MPHOSPH10: variants seen among roughly 807,000 people sequenced by gnomAD.
MPHOSPH10 encodes M-phase phosphoprotein 10, also known as U3 small nucleolar ribonucleoprotein MPP10.
In MPHOSPH10, 33 loss-of-function variants were observed where a neutral mutation model predicts 77.3. That is an observed-to-expected ratio of 0.43 (90% CI 0.32 to 0.57). The LOEUF (loss-of-function observed/expected upper bound fraction) is 0.57, where lower values mean the gene tolerates loss of function less well. Ranked by LOEUF, MPHOSPH10 falls within the 20% of genes least tolerant of loss-of-function variation. The probability of loss-of-function intolerance (pLI) is 0.07; values close to 1 mark genes in which losing one functional copy is unlikely to be tolerated. For missense variants in MPHOSPH10, 708 were observed against 780.1 expected (o/e 0.91, Z 1.10); for synonymous variants, 245 against 268.0 (o/e 0.91, Z 0.84).
rs1244459036 is a variant in MPHOSPH10, at chr2:71,134,121, C to T, written c.926+16C>T. On this transcript the variant is annotated intron_variant, in intron 3 of 10. Transcript: ENST00000244230. ...TTTCGGAAACGTGAGTATTTTGAAC[C>T]ATCCTTTACATTGTAAGCTGGAATT... 3 of 1,593,118 alleles carry T rather than the reference C, an allele frequency of 1.9e-6. No homozygotes were observed. Among genetic ancestry groups the T allele is most frequent in the South Asian group, 1.1e-5 (1 of 87,016 alleles).
In MPHOSPH10 at chr2:71,130,679, T is replaced by A. The variant is rs1408004365; in HGVS notation, c.14T>A (p.Val5Asp). Residue 5 changes from valine (V) to aspartate (D), a missense_variant, in exon 1 of 11, where the codon GTC (valine) becomes GAC (aspartate). Physicochemically the swap from Val to Asp is radical, Grantham distance 152 (BLOSUM62 -3). Coordinates refer to ENST00000244230, the MANE Select transcript of MPHOSPH10 (RefSeq NM_005791.3). ...TTGCTGACAGCCATGGCGCCGCAGG[T>A]CTGGCGTCGACGGACCCTGGAGCGG... is the stretch of plus-strand genomic sequence containing the variant. MAPQVWRRRTLERCL... is the reference protein window; with the variant it reads MAPQDWRRRTLERCL... 1 of 1,609,504 alleles carries A rather than the reference T, an allele frequency of 6.2e-7. No individual in the cohort carries two copies. Among genetic ancestry groups the A allele is most frequent in the African/African-American group, 1.3e-5 (1 of 74,962 alleles).
Position 71,144,686 on chromosome 2 carries a change from A to C in MPHOSPH10, c.1557+148A>C. ...GGCAGGGTCTCCATGAGGAAAGCTC[A>C]CTTCTGGTCCCATGACAGTTCTGGC... On this transcript the variant is annotated intron_variant, in intron 8 of 10. Transcript: ENST00000244230. 12 of 636,612 alleles carry C rather than the reference A, an allele frequency of 1.9e-5. No individual in the cohort carries two copies. In the South Asian group the frequency reaches 2.0e-4, roughly 11 times the overall value. The allele number at this position is 636,612 out of a possible 1,614,324, so 39.4% of individuals were successfully genotyped here.
chr2:71,134,050 A>G lies in MPHOSPH10; in HGVS notation c.871A>G (p.Lys291Glu), dbSNP rs139834642. Reference sequence around the variant, plus strand: ...TCATGATGATGAGCTGGATTCAAACAAAGAAGATGATGAAATTGCTGAAGA... The same window carrying G: ...TCATGATGATGAGCTGGATTCAAACGAAGAAGATGATGAAATTGCTGAAGA... ...NVHDDELDSNKEDDEIAEEEA... is the reference protein window; with the variant it reads ...NVHDDELDSNEEDDEIAEEEA... Residue 291 changes from lysine to glutamate, a missense_variant, in exon 3 of 11, where the codon AAA becomes GAA. Physicochemically the swap from Lys to Glu is moderately conservative, Grantham distance 56 (BLOSUM62 1). This residue lies in a region of MPHOSPH10 where 433 missense variants were observed against 432.6 expected (regional missense o/e 1.00). Transcript: ENST00000244230. 1,753 of 1,608,820 alleles carry G rather than the reference A, an allele frequency of 1.1e-3. 1 individual carries two copies. The highest frequency in any genetic ancestry group is 1.4e-3 in the Non-Finnish European group (1,644 of 1,176,798).
chr2:71,132,927 C>T lies in MPHOSPH10; in HGVS notation c.119C>T (p.Thr40Ile). ...CAAGAGGGATTGGCATCAAAGTTCA[C>T]TTCTTTAACAAAAGTGCTTTATGAC... is the stretch of plus-strand genomic sequence containing the variant. ...TIQEGLASKF[T>I]SLTKVLYDFN... Residue 40 changes from threonine to isoleucine, a missense_variant, in exon 2 of 11, where the codon ACT becomes ATT. Coordinates refer to ENST00000244230, the MANE Select transcript of MPHOSPH10 (RefSeq NM_005791.3). The T allele has an allele frequency of 6.2e-7, 1 of 1,611,040 alleles. No individual in the cohort carries two copies. Among genetic ancestry groups the T allele is most frequent in the Non-Finnish European group, 8.5e-7 (1 of 1,178,156 alleles).
chr2:71,146,413 G>A (rs956532998), intron 8 of MPHOSPH10, among the ~76,000 whole-genome samples: 1 of 138,614 alleles, frequency 7.2e-6, no homozygotes, highest in African/African-American at 2.7e-5. Flanking sequence ...TTGGCTCACT[G>A]CAACCTCTGC....
intron 7 of MPHOSPH10, among the ~76,000 whole-genome samples, chr2:71,141,890 G>A (rs909907845): frequency 6.6e-6 from 1 of 152,060 alleles, no homozygotes; most frequent in Non-Finnish European, 1.5e-5. Flanking sequence ...AAATTAGACG[G>A]GCGTGGTGGC....
Position 71,133,290 on chromosome 2 carries a change from G to C in MPHOSPH10, c.482G>C (p.Arg161Thr), listed in dbSNP as rs751822869. Reference sequence around the variant, plus strand: ...GAAAACTCAAGCAAATCTGATCTGAGGAAAAGCCCCGTTTTCAGTGATGAG... The same window carrying C: ...GAAAACTCAAGCAAATCTGATCTGACGAAAAGCCCCGTTTTCAGTGATGAG... Reference protein sequence around the residue: ...RAENSSKSDLRKSPVFSDEDS... With the variant: ...RAENSSKSDLTKSPVFSDEDS... Residue 161 changes from arginine (R) to threonine (T), a missense_variant, in exon 2 of 11, where the codon AGG becomes ACG. Physicochemically the swap from Arg to Thr is moderately conservative, Grantham distance 71 (BLOSUM62 -1). Around this residue, in one of 3 missense-constraint regions of MPHOSPH10, gnomAD observed 433 missense variants for 432.6 expected, o/e 1.00. Transcript: ENST00000244230. The C allele has an allele frequency of 6.2e-7, 1 of 1,613,978 alleles. No individual in the cohort carries two copies. Among genetic ancestry groups the C allele is most frequent in the East Asian group, 2.2e-5 (1 of 44,876 alleles).
At position 71,139,706 on chromosome 2, in the gene MPHOSPH10, G is replaced by A. The variant is rs530988469; in HGVS notation, c.1241-89G>A. 59 of 835,222 alleles carry A rather than the reference G, an allele frequency of 7.1e-5. No homozygotes were observed. In the African/African-American group the frequency reaches 7.1e-4, roughly 10 times the overall value. 51.7% of individuals were successfully genotyped at this position (835,222 alleles called of 1,614,324 possible). ...ATTTGCATTTCTAACAAGTTCCCACGTGTTGCTGATGCTGTGGGTCCAAGG... is the reference window on the plus strand; with the variant it reads ...ATTTGCATTTCTAACAAGTTCCCACATGTTGCTGATGCTGTGGGTCCAAGG... On this transcript the variant is annotated intron_variant, in intron 5 of 10. Transcript: ENST00000244230.
At chr2:71,135,408 G>C (rs1673468192) in intron 4 of MPHOSPH10, among the ~76,000 whole-genome samples, 1 of 151,216 alleles carries the variant, frequency 6.6e-6, no homozygotes, top group African/African-American at 2.4e-5. Flanking sequence ...GTAGCCAGGT[G>C]TGGTGGCGGG....
chr2:71,145,917 T>G (rs1296266850), intron 8 of MPHOSPH10, among the ~76,000 whole-genome samples: 1 of 152,222 alleles, frequency 6.6e-6, no homozygotes, highest in Non-Finnish European at 1.5e-5. Context: ...TCCTTGCAGA[T>G]GTTCCTTGGC....
At chr2:71,143,111 A>G (rs1396267378) in intron 7 of MPHOSPH10, among the ~76,000 whole-genome samples, 1 of 151,568 alleles carries the variant, frequency 6.6e-6, no homozygotes, top group Non-Finnish European at 1.5e-5. Flanking sequence ...GGATAATTTT[A>G]TGAAGTCTAT....
At chr2:71,130,789 G>T (rs528850346) in intron 1 of MPHOSPH10, 35 bp downstream of exon 1, 1 of 1,570,484 alleles carries the variant, frequency 6.4e-7, no homozygotes, top group Non-Finnish European at 8.7e-7. Context: ...GGGTGCGACC[G>T]GGGTCTCACG....
At chr2:71,140,708 T>G (rs977927801) in intron 6 of MPHOSPH10, among the ~76,000 whole-genome samples, 3 of 152,240 alleles carry the variant, frequency 2.0e-5, no homozygotes, top group Admixed American at 6.5e-5. Context: ...AGAATAAAAC[T>G]TAGATATATG....
At chr2:71,146,569 C>T (rs971428722) in intron 8 of MPHOSPH10, among the ~76,000 whole-genome samples, 1 of 152,120 alleles carries the variant, frequency 6.6e-6, no homozygotes, top group Admixed American at 6.6e-5. Flanking sequence ...AACTCCTGAC[C>T]TCAAATGATC....
intron 6 of MPHOSPH10, among the ~76,000 whole-genome samples, chr2:71,140,182 T>G (rs1025133929): frequency 5.9e-5 from 9 of 152,216 alleles, no homozygotes; most frequent in African/African-American, 2.2e-4. Flanking sequence ...AGGCACAGTA[T>G]CTGGTGTGGT....
intron 1 of MPHOSPH10, 77 bp downstream of exon 1, chr2:71,130,831 TG>T: frequency 1.5e-6 from 2 of 1,375,488 alleles, no homozygotes; most frequent in Non-Finnish European, 2.0e-6. Context: ...CGGCAAATTG[TG>T]GAGCTGGGGG....
chr2:71,145,939 G>A lies in MPHOSPH10; in HGVS notation c.1557+1401G>A, dbSNP rs966538127. Among the ~76,000 whole-genome samples the A allele has an allele frequency of 5.9e-5, 9 of 152,246 alleles. No individual in the cohort carries two copies. In the South Asian group the frequency reaches 1.9e-3, roughly 32 times the overall value. Reference sequence around the variant, plus strand: ...AGATGTTCCTTGGCTCCTTACCTAGGGTAGACTCCCCTTCCCACCTTGCTG... The same window carrying A: ...AGATGTTCCTTGGCTCCTTACCTAGAGTAGACTCCCCTTCCCACCTTGCTG... On this transcript the variant is annotated intron_variant, in intron 8 of 10. Transcript: ENST00000244230.
Position 71,133,527 on chromosome 2 carries a change from T to A in MPHOSPH10, c.719T>A (p.Ile240Asn). The change falls in exon 2 of 11, where the codon ATT (isoleucine) becomes AAT (asparagine). Residue 240 changes from isoleucine (I) to asparagine (N), a missense_variant. Coordinates refer to ENST00000244230, the MANE Select transcript of MPHOSPH10 (RefSeq NM_005791.3). ...GAAGATATTGATTTTTTTGAAGATA[T>A]TGATTCTGATGAAGATGAAGGGGGA... ...EEEDIDFFED[I>N]DSDEDEGGLF... is the part of the protein sequence containing the mutation. 1 of 1,610,850 alleles carries A rather than the reference T, an allele frequency of 6.2e-7. No individual in the cohort carries two copies. Among genetic ancestry groups the A allele is most frequent in the Non-Finnish European group, 8.5e-7 (1 of 1,178,940 alleles).
chr2:71,141,349 G>T lies in MPHOSPH10; in HGVS notation c.1426G>T (p.Glu476Ter). ...GAGCCTTGCTGAAATTTATGAACAG[G>T]AGTACATCAAACTCAACCAGGTGAG... ...KLSLAEIYEQ[E>*]YIKLNQQKTA... Residue 476 changes from glutamate to a stop codon, truncating the protein, a stop_gained, in exon 7 of 11, where the codon GAG becomes TAG. Transcript: ENST00000244230. LOFTEE classifies it high-confidence loss of function. 6.4e-7 allele frequency: 1 copy of T among 1,555,336 alleles called. No homozygotes were observed. The highest frequency in any genetic ancestry group is 1.2e-5 in the South Asian group (1 of 80,068).
Sources: gnomAD v4.1 joint callset for allele counts (sites outside exome capture counted in the v4.1 genomes callset) on GRCh38, gnomAD v4.1.1 for gene constraint, gnomAD v4.1.1 regional missense constraint, MANE v1.5 for transcripts, NCBI Gene and HGNC (gene_info 2026-07-23, HGNC 2026-07-21) for gene names.